TCEA2: variants seen among roughly 807,000 people sequenced by gnomAD.
The protein encoded by TCEA2 is transcription elongation factor A2, also known as transcription elongation factor A protein 2.
In TCEA2, 21 loss-of-function variants were observed where a neutral mutation model predicts 40.8. The observed-to-expected ratio is 0.51, with a 90% CI of 0.36 to 0.74. The LOEUF is 0.74. Among genes scored for constraint, TCEA2 ranks in the 30% least tolerant of loss-of-function variants. The pLI is 0.00. For synonymous variants in TCEA2, 165 were observed against 162.7 expected (o/e 1.01, Z -0.11); for missense variants, 326 against 426.5 (o/e 0.76, Z 2.08).
At position 64,069,420 on chromosome 20, in the gene TCEA2, C is replaced by A. The variant is rs372369033; in HGVS notation, c.389C>A (p.Pro130Gln). 8.1e-6 allele frequency: 13 copies of A among 1,612,866 alleles called. No homozygotes were observed. The highest frequency in any genetic ancestry group is 1.1e-5 in the Non-Finnish European group (13 of 1,179,774). The change falls in exon 5 of 10, where the codon CCG (proline) becomes CAG (glutamine). Residue 130 changes from proline (P) to glutamine (Q), a missense_variant. By Grantham distance (76) the Pro-to-Gln change is moderately conservative. Transcript: ENST00000343484. ...PSTPRITTFP[P>Q]VPVTCDAVRN... ...ACTCCGAGGATCACCACATTTCCTC[C>A]GGTGCCTGTCACCTGTGATGCCGTG...
chr20:64,069,282 C>T (rs2059768894), intron 4 of TCEA2, 79 bp from the exon 5 acceptor site: 1 of 1,488,362 alleles, frequency 6.7e-7, no homozygotes, highest in Non-Finnish European at 9.0e-7. Flanking sequence ...GCTGTGGCAC[C>T]TGCTGCTTCT....
upstream of TCEA2, among the ~76,000 whole-genome samples, chr20:64,059,886 T>C (rs1037363235): frequency 6.6e-6 from 1 of 152,102 alleles, no homozygotes; most frequent in Non-Finnish European, 1.5e-5. Context: ...TGTGCACTCC[T>C]TCCCCAGAAC....
upstream of TCEA2, chr20:64,062,418 C>G (rs189362309): frequency 6.6e-6 from 1 of 152,304 alleles, no homozygotes; most frequent in Non-Finnish European, 1.5e-5. Flanking sequence ...TCCATCCCCT[C>G]TCTGTTCTCA....
upstream of TCEA2, among the ~76,000 whole-genome samples, chr20:64,061,014 T>C (rs6011269): frequency 0.032 from 4,898 of 151,224 alleles, 185 homozygotes; most frequent in African/African-American, 0.089. Context: ...TTGCCCAGGC[T>C]GGTCTCAAAC....
intron 3 of TCEA2, 93 bp downstream of exon 3, chr20:64,067,113 T>TCCA: frequency 7.5e-7 from 1 of 1,334,812 alleles, no homozygotes; most frequent in Non-Finnish European, 1.0e-6. Context: ...GCTGGCAGTG[T>TCCA]CCACCCTGAG....
intron 1 of TCEA2, 47 bp from the exon 2 acceptor site, chr20:64,066,429 C>G: frequency 6.3e-7 from 1 of 1,595,884 alleles, no homozygotes; most frequent in Non-Finnish European, 8.6e-7. Flanking sequence ...GTGATATTGT[C>G]TGTTGAGATC....
chr20:64,067,667 C>T (rs1447933180), intron 3 of TCEA2, among the ~76,000 whole-genome samples: 3 of 152,252 alleles, frequency 2.0e-5, no homozygotes, highest in Non-Finnish European at 2.9e-5. Flanking sequence ...TGGTCCCCAG[C>T]CCTTGGGCCT....
intron 1 of TCEA2, among the ~76,000 whole-genome samples, chr20:64,057,860 T>G (rs1342624936): frequency 6.6e-6 from 1 of 152,118 alleles, no homozygotes; most frequent in Non-Finnish European, 1.5e-5. Flanking sequence ...CAGCTGTGGC[T>G]CTTGCTGGGA....
rs1033842476 is a variant in TCEA2, at chr20:64,066,836, G to A, written c.136-79G>A. On this transcript the variant is annotated intron_variant, in intron 2 of 9. Coordinates refer to ENST00000343484, the MANE Select transcript of TCEA2 (RefSeq NM_003195.6). Reference sequence around the variant, plus strand: ...GGTCCCGGGCTCCTGTCCTGTGGGGGCCACCAAGGCTCTGCCAGGAGAATC... The same window carrying A: ...GGTCCCGGGCTCCTGTCCTGTGGGGACCACCAAGGCTCTGCCAGGAGAATC... The A allele has an allele frequency of 5.1e-5, 72 of 1,412,554 alleles. No homozygotes were observed. In the African/African-American group the frequency reaches 9.7e-4, roughly 19 times the overall value. The allele number at this position is 1,412,554 out of a possible 1,614,324, so 87.5% of individuals were successfully genotyped here. A position where few individuals can be genotyped will look rare whatever the true frequency, so the allele number is the denominator to read the frequency against.
Position 64,066,900 on chromosome 20 carries a change from C to A in TCEA2, c.136-15C>A. 1 of 1,612,912 alleles carries A rather than the reference C, an allele frequency of 6.2e-7. No individual in the cohort carries two copies. Among genetic ancestry groups the A allele is most frequent in the Non-Finnish European group, 8.5e-7 (1 of 1,179,336 alleles). ...GGGCCCCTGCCTCCCCCAACCCAGA[C>A]CACTTGCCTCGTAGTCCACCCGAGT... On this transcript the variant is annotated splice_polypyrimidine_tract_variant and intron_variant, in intron 2 of 9. Transcript: ENST00000343484.
At chr20:64,071,564 C>T (rs549422217) in intron 8 of TCEA2, among the ~76,000 whole-genome samples, 175 of 152,296 alleles carry the variant, frequency 1.1e-3, no homozygotes, top group Non-Finnish European at 2.1e-3. Flanking sequence ...AAGGCAGCCG[C>T]GGGCACTGGG....
intron 6 of TCEA2, 142 bp from the exon 7 acceptor site, chr20:64,070,118 A>C (rs2059794108): frequency 2.4e-6 from 3 of 1,275,428 alleles, no homozygotes; most frequent in Non-Finnish European, 3.3e-6. Flanking sequence ...TCACCTCTCC[A>C]CCAGGTGTGG....
At chr20:64,059,193 C>CAAA (rs60812317), upstream of TCEA2, among the ~76,000 whole-genome samples, 3 of 91,234 alleles carry the variant, frequency 3.3e-5, no homozygotes, top group Admixed American at 2.4e-4. Flanking sequence ...AACTCTGTCT[C>CAAA]AAAAAAAAAA....
chr20:64,063,202 CG>C lies in TCEA2; in HGVS notation c.-107del. 1 of 970,818 alleles carries C rather than the reference CG, an allele frequency of 1.0e-6. No homozygotes were observed. Among genetic ancestry groups the C allele is most frequent in the Non-Finnish European group, 1.3e-6 (1 of 749,082 alleles). The allele number at this position is 970,818 out of a possible 1,614,324, so 60.1% of individuals were successfully genotyped here. A position where few individuals can be genotyped will look rare whatever the true frequency, so the allele number is the denominator to read the frequency against. On this transcript the variant is annotated 5_prime_UTR_variant, in exon 1 of 10. Coordinates refer to ENST00000343484, the MANE Select transcript of TCEA2 (RefSeq NM_003195.6). ...TGAACCGGGGGTCTGTCGTCCGCGG[CG>C]GGGCTGCGTCGGCTGCGGCGGGTGT...
chr20:64,060,778 G>A (rs1253863656), upstream of TCEA2, among the ~76,000 whole-genome samples: 1 of 151,936 alleles, frequency 6.6e-6, no homozygotes, highest in Non-Finnish European at 1.5e-5. Context: ...GGAATTCTAT[G>A]CTTTTTCCCT....
intron 1 of TCEA2, chr20:64,066,129 A>G (rs2059689189): frequency 5.0e-6 from 1 of 200,676 alleles, no homozygotes; most frequent in South Asian, 9.9e-5. Context: ...AAGCCTCATG[A>G]TTGGCCAGGG....
chr20:64,070,642 G>C lies in TCEA2; in HGVS notation c.819+7G>C, dbSNP rs939412948. On this transcript the variant is annotated splice_region_variant and intron_variant, in intron 8 of 9. Transcript: ENST00000343484. ...GAACTGCACCTACACACAGGTGAGC[G>C]GCCGCTGGGCACCCTCCCCCGGGCC... The C allele has an allele frequency of 6.4e-7, 1 of 1,554,628 alleles. No homozygotes were observed. Among genetic ancestry groups the C allele is most frequent in the Admixed American group, 1.9e-5 (1 of 51,930 alleles).
Position 64,072,215 on chromosome 20 carries a change from C to T in TCEA2, c.*35C>T, listed in dbSNP as rs142480228. The T allele has an allele frequency of 3.7e-6, 6 of 1,602,298 alleles. No homozygotes were observed. In the African/African-American group the frequency reaches 4.0e-5, roughly 11 times the overall value. Reference sequence around the variant, plus strand: ...TAGATGTGCTGCAGCCTTGGGCCCTCCCCGGCCCACGTCCTCCGTTGACAC... The same window carrying T: ...TAGATGTGCTGCAGCCTTGGGCCCTTCCCGGCCCACGTCCTCCGTTGACAC... On this transcript the variant is annotated 3_prime_UTR_variant, in exon 10 of 10. Transcript: ENST00000343484.
intron 8 of TCEA2, 134 bp downstream of exon 8, chr20:64,070,769 G>C: frequency 7.8e-7 from 1 of 1,282,892 alleles, no homozygotes; most frequent in African/African-American, 1.5e-5. Context: ...GTAGGCTAAG[G>C]CATGATGGCC....
Sources: gnomAD v4.1 joint callset for allele counts (sites outside exome capture counted in the v4.1 genomes callset) on GRCh38, gnomAD v4.1.1 for gene constraint, MANE v1.5 for transcripts, NCBI Gene and HGNC (gene_info 2026-07-23, HGNC 2026-07-21) for gene names.